Variants in SUPT20H observed in about 807,000 individuals in gnomAD.
The protein encoded by SUPT20H is transcription factor SPT20 homolog.
SUPT20H carries 82 observed loss-of-function variants against 122.8 expected under a neutral mutation model. That is an observed-to-expected ratio of 0.67 (90% CI 0.56 to 0.80). The LOEUF is 0.80. Among genes scored for constraint, SUPT20H ranks in the 30% least tolerant of loss-of-function variants. The probability of loss-of-function intolerance (pLI) is 0.00; values close to 1 mark genes in which losing one functional copy is unlikely to be tolerated. For synonymous variants in SUPT20H, 291 were observed against 313.0 expected (o/e 0.93, Z 0.74); for missense variants, 831 against 921.6 (o/e 0.90, Z 1.27).
intron 1 of SUPT20H, among the ~76,000 whole-genome samples, chr13:37,057,309 T>C (rs2069313251): frequency 6.6e-6 from 1 of 151,316 alleles, no homozygotes; most frequent in African/African-American, 2.4e-5. Context: ...AAAAAAAAGT[T>C]AGAAATAAAA....
At position 37,051,560 on chromosome 13, in the gene SUPT20H, G is replaced by T. The variant is rs367552986; in HGVS notation, c.-70C>A. 7.0e-7 allele frequency: 1 copy of T among 1,438,370 alleles called. No individual in the cohort carries two copies. Among genetic ancestry groups the T allele is most frequent in the African/African-American group, 1.4e-5 (1 of 71,354 alleles). The allele number at this position is 1,438,370 out of a possible 1,614,324, so 89.1% of individuals were successfully genotyped here. A position where few individuals can be genotyped will look rare whatever the true frequency, so the allele number is the denominator to read the frequency against. ...GCTGATGAAGTGGGGTGAACACCATGCCTTTAACATCAATCTTACAGTACT... is the reference window on the plus strand; with the variant it reads ...GCTGATGAAGTGGGGTGAACACCATTCCTTTAACATCAATCTTACAGTACT... On this transcript the variant is annotated 5_prime_UTR_variant, in exon 2 of 26. Transcript: ENST00000350612.
intron 16 of SUPT20H, 47 bp from the exon 17 acceptor site, chr13:37,025,484 A>C (rs1461842972): frequency 7.7e-7 from 1 of 1,303,222 alleles, no homozygotes. Context: ...ACCTGTTTTA[A>C]ACACAAATTT....
rs1345675030 is a variant in SUPT20H at position 37,051,508 on chromosome 13, G to C, written c.-18C>G. ...CTTACCATTATGGCATAAAATAAGG[G>C]TCCAAAAGAAGAGATAACTTATGTA... On this transcript the variant is annotated 5_prime_UTR_variant, in exon 2 of 26. Transcript: ENST00000350612. 6.2e-7 allele frequency: 1 copy of C among 1,611,390 alleles called. No homozygotes were observed. Among genetic ancestry groups the C allele is most frequent in the Admixed American group, 1.7e-5 (1 of 59,906 alleles).
intron 15 of SUPT20H, 73 bp downstream of exon 15, chr13:37,026,717 T>C: frequency 1.1e-6 from 1 of 881,364 alleles, no homozygotes; most frequent in Non-Finnish European, 1.7e-6. Context: ...AAAGTATATT[T>C]AGCAAGTCTT....
At chr13:37,026,623 T>G (rs1566189166) in intron 15 of SUPT20H, among the ~76,000 whole-genome samples, 167 bp downstream of exon 15, 1 of 152,084 alleles carries the variant, frequency 6.6e-6, no homozygotes, top group Non-Finnish European at 1.5e-5. Flanking sequence ...AACCTGCAAT[T>G]TTAGAAGTTA....
At chr13:37,046,939 A>T (rs1369937247) in intron 5 of SUPT20H, 1 of 152,164 alleles carries the variant, frequency 6.6e-6, no homozygotes, top group South Asian at 2.1e-4. Flanking sequence ...ATTTTTAAAG[A>T]CAGACAACAA....
intron 1 of SUPT20H, among the ~76,000 whole-genome samples, chr13:37,057,638 T>C (rs1198215101): frequency 6.6e-6 from 1 of 151,370 alleles, no homozygotes; most frequent in Non-Finnish European, 1.5e-5. Flanking sequence ...GGAGCAGTAG[T>C]TCCAGACCTG....
In SUPT20H at chr13:37,010,670, AGG is replaced by A. The variant is rs1227425611; in HGVS notation, c.2099-17_2099-16del. ...CTGAGACAACACTACAGAGAGGAGA[AGG>A]GGAAAGCAGGCCAGTCAAAAAGTTT... On this transcript the variant is annotated splice_polypyrimidine_tract_variant and intron_variant, in intron 24 of 25. Coordinates refer to ENST00000350612, the MANE Select transcript of SUPT20H (RefSeq NM_001014286.3). The A allele has an allele frequency of 6.2e-7, 1 of 1,605,068 alleles. No homozygotes were observed. The highest frequency in any genetic ancestry group is 8.5e-7 in the Non-Finnish European group (1 of 1,172,686).
Position 37,022,015 on chromosome 13 carries a change from C to T in SUPT20H, c.1657G>A (p.Val553Ile). 1.3e-6 allele frequency: 2 copies of T among 1,576,062 alleles called. No homozygotes were observed. Among genetic ancestry groups the T allele is most frequent in the Non-Finnish European group, 1.7e-6 (2 of 1,157,952 alleles). ...GLNFINVVGSVCGAQALMSGS... is the reference protein window; with the variant it reads ...GLNFINVVGSICGAQALMSGS... Reference sequence around the variant, plus strand: ...CGAACATCAATGCAAACTTACCAAACAGAGCCCACTACATTGATGAAGTTA... The same window carrying T: ...CGAACATCAATGCAAACTTACCAAATAGAGCCCACTACATTGATGAAGTTA... The change falls in exon 20 of 26, where the codon GTT becomes ATT. Residue 553 changes from valine to isoleucine, a missense_variant. Coordinates refer to ENST00000350612, the MANE Select transcript of SUPT20H (RefSeq NM_001014286.3). This position sits in a 1 kb window ranked among gnomAD's most constrained non-coding sequence, Gnocchi z 4.5.
At chr13:37,026,156 A>T (rs1326035734) in intron 16 of SUPT20H, 48 bp downstream of exon 16, 3 of 1,537,502 alleles carry the variant, frequency 2.0e-6, no homozygotes, top group Admixed American at 2.1e-5. Flanking sequence ...AGGGTGAAAA[A>T]TTTTTCATAT....
At chr13:37,046,091 A>T (rs2066364795) in intron 5 of SUPT20H, among the ~76,000 whole-genome samples, 1 of 152,098 alleles carries the variant, frequency 6.6e-6, no homozygotes, top group African/African-American at 2.4e-5. Context: ...TCAAAAATCA[A>T]AGTGTTTTGA....
At chr13:37,032,667 C>T (rs1487654139) in intron 10 of SUPT20H, among the ~76,000 whole-genome samples, 1 of 152,082 alleles carries the variant, frequency 6.6e-6, no homozygotes, top group African/African-American at 2.4e-5. Flanking sequence ...ACTGGGAGCC[C>T]CCAGACTTTT....
At chr13:37,050,826 G>A (rs984414613) in intron 2 of SUPT20H, among the ~76,000 whole-genome samples, 1 of 152,160 alleles carries the variant, frequency 6.6e-6, no homozygotes, top group Non-Finnish European at 1.5e-5. Context: ...AGAACCAAGA[G>A]GAGAAGGAAG....
chr13:37,041,057 T>C (rs1304995911), intron 7 of SUPT20H, among the ~76,000 whole-genome samples: 3 of 152,204 alleles, frequency 2.0e-5, no homozygotes, highest in Admixed American at 6.5e-5. Context: ...TTCACTAACT[T>C]TGTCATTACT....
At chr13:37,048,875 A>G (rs184106285) in intron 2 of SUPT20H, among the ~76,000 whole-genome samples, 126 of 152,270 alleles carry the variant, frequency 8.3e-4, no homozygotes, top group African/African-American at 2.9e-3. Flanking sequence ...TATGGCAGCT[A>G]TCATCACTTC....
chr13:37,049,811 CTGTT>C (rs1266991667), intron 2 of SUPT20H, among the ~76,000 whole-genome samples: 1 of 151,964 alleles, frequency 6.6e-6, no homozygotes, highest in African/African-American at 2.4e-5. Context: ...TTCTAGTTTT[CTGTT>C]TTATAGTCTT....
In SUPT20H at chr13:37,047,785, A is replaced by C; in HGVS notation, c.98+93T>G. ...CCTAATACATGCAAAGAACCTATAAAATTTCTAGCTCAGTCCCTACGAGGA... is the reference window on the plus strand; with the variant it reads ...CCTAATACATGCAAAGAACCTATAACATTTCTAGCTCAGTCCCTACGAGGA... On this transcript the variant is annotated intron_variant, in intron 4 of 25. Coordinates refer to ENST00000350612, the MANE Select transcript of SUPT20H (RefSeq NM_001014286.3). 5 of 1,344,396 alleles carry C rather than the reference A, an allele frequency of 3.7e-6. No homozygotes were observed. In the South Asian group the frequency reaches 7.8e-5, roughly 21 times the overall value. The allele number at this position is 1,344,396 out of a possible 1,614,324, so 83.3% of individuals were successfully genotyped here.
intron 1 of SUPT20H, among the ~76,000 whole-genome samples, chr13:37,059,012 G>A (rs915411590): frequency 6.6e-6 from 1 of 152,196 alleles, no homozygotes; most frequent in Non-Finnish European, 1.5e-5. Flanking sequence ...AGTGGCTACG[G>A]GAGATGGCTT....
intron 9 of SUPT20H, among the ~76,000 whole-genome samples, chr13:37,036,459 G>GA (rs2064423783): frequency 6.6e-6 from 1 of 151,864 alleles, no homozygotes. Flanking sequence ...TGAGTAGCTG[G>GA]GACTACAAGC....
Sources: allele counts gnomAD v4.1 joint callset (sites outside exome capture counted in the v4.1 genomes callset), GRCh38; gene constraint gnomAD v4.1.1; non-coding constraint Gnocchi (gnomAD v3.1); transcripts MANE v1.5; gene names NCBI Gene and HGNC (gene_info 2026-07-23, HGNC 2026-07-21).